The following SHANK2 variants were observed in gnomAD, a reference collection of about 807,000 sequenced individuals.
The protein encoded by SHANK2 is SH3 and multiple ankyrin repeat domains protein 2.
SHANK2 carries 43 observed loss-of-function variants against 133.7 expected under a neutral mutation model. The ratio of observed to expected loss-of-function variants is 0.32; its 90% CI spans 0.25 to 0.41. The LOEUF (loss-of-function observed/expected upper bound fraction) is 0.41. Among genes scored for constraint, SHANK2 ranks in the 10% least tolerant of loss-of-function variants. The pLI is 1.00. For synonymous variants in SHANK2, 1,017 were observed against 952.8 expected (o/e 1.07, Z -1.24); for missense variants, 1,994 against 2,235.8 (o/e 0.89, Z 2.18).
At chr11:71,218,869 G>A (rs868987894) in intron 2 of SHANK2, among the ~76,000 whole-genome samples, 6 of 152,336 alleles carry the variant, frequency 3.9e-5, no homozygotes, top group Middle Eastern at 3.4e-3. Context: ...CACTGCTGGA[G>A]ACTGTGCCTG....
At chr11:71,219,803 TAG>T (rs1292057538) in intron 2 of SHANK2, among the ~76,000 whole-genome samples, 3 of 151,842 alleles carry the variant, frequency 2.0e-5, no homozygotes, top group Non-Finnish European at 4.4e-5. Context: ...GAGGCTGAGG[TAG>T]GAGAATCACT....
chr11:71,242,828 G>A (rs1471721755), intron 1 of SHANK2, among the ~76,000 whole-genome samples: 12 of 152,214 alleles, frequency 7.9e-5, no homozygotes, highest in African/African-American at 2.4e-4. Context: ...CCTCATGCCC[G>A]GCTATAAAAC....
chr11:70,639,913 C>T (rs2134147769), intron 17 of SHANK2, among the ~76,000 whole-genome samples: 1 of 152,302 alleles, frequency 6.6e-6, no homozygotes, highest in Admixed American at 6.5e-5. Context: ...CCAGGGACGG[C>T]CCCAAGGAAG....
At chr11:70,918,627 T>A (rs1950303985) in intron 10 of SHANK2, among the ~76,000 whole-genome samples, 1 of 152,150 alleles carries the variant, frequency 6.6e-6, no homozygotes, top group South Asian at 2.1e-4. Context: ...GGCCTCAGCC[T>A]CCTGAGTAGC....
At chr11:70,687,215 C>A (rs1353172422) in intron 15 of SHANK2, among the ~76,000 whole-genome samples, 1 of 152,354 alleles carries the variant, frequency 6.6e-6, no homozygotes, top group Admixed American at 6.5e-5. Context: ...AACTAAGGCC[C>A]GTGCAGGAAG....
In SHANK2 at chr11:70,500,642, C is replaced by G; in HGVS notation, c.2288-52G>C. On this transcript the variant is annotated intron_variant, in intron 20 of 25. Transcript: ENST00000601538. This position sits in a 1 kb window ranked among gnomAD's most constrained non-coding sequence, Gnocchi z 4.5. ...GAGCCACCAGGATGCAGCGCCCGCCCGCAGCCTACACTCGGGCCTTGTCAG... is the reference window on the plus strand; with the variant it reads ...GAGCCACCAGGATGCAGCGCCCGCCGGCAGCCTACACTCGGGCCTTGTCAG... 1 of 1,580,904 alleles carries G rather than the reference C, an allele frequency of 6.3e-7. No homozygotes were observed. Among genetic ancestry groups the G allele is most frequent in the Non-Finnish European group, 8.6e-7 (1 of 1,163,958 alleles).
intron 2 of SHANK2, among the ~76,000 whole-genome samples, chr11:71,168,686 G>C (rs936723163): frequency 6.6e-6 from 1 of 152,276 alleles, no homozygotes; most frequent in African/African-American, 2.4e-5. Flanking sequence ...CCAGTCAGGC[G>C]TGGCGGCGCG....
chr11:70,848,303 G>T (rs1949027927), intron 11 of SHANK2, among the ~76,000 whole-genome samples: 1 of 152,156 alleles, frequency 6.6e-6, no homozygotes, highest in Non-Finnish European at 1.5e-5. Flanking sequence ...AAAAGAATCT[G>T]CCCGTGAGCC....
chr11:71,079,852 G>C (rs1231295280), intron 8 of SHANK2, among the ~76,000 whole-genome samples: 2 of 91,550 alleles, frequency 2.2e-5, no homozygotes, highest in Admixed American at 2.3e-4. Context: ...GAAGGAAGGG[G>C]AGGGGAAGGG....
intron 6 of SHANK2, among the ~76,000 whole-genome samples, chr11:71,108,949 C>G (rs1371297753): frequency 6.6e-6 from 1 of 152,168 alleles, no homozygotes; most frequent in Non-Finnish European, 1.5e-5. Flanking sequence ...CCCCCCCCAG[C>G]GTTCAGAGGT....
intron 17 of SHANK2, among the ~76,000 whole-genome samples, chr11:70,549,892 G>A (rs1171221300): frequency 3.9e-5 from 6 of 152,228 alleles, no homozygotes; most frequent in African/African-American, 9.6e-5. Context: ...GCGAAGCTCC[G>A]GTTCACTCGC....
chr11:70,776,406 G>T (rs530553764), intron 14 of SHANK2, among the ~76,000 whole-genome samples: 1 of 152,166 alleles, frequency 6.6e-6, no homozygotes, highest in Admixed American at 6.5e-5. Flanking sequence ...GTTGGCTGAA[G>T]GTAACTGATA....
rs184757114 is a variant in SHANK2 at position 71,193,960 on chromosome 11, G to A, written c.-13+30737C>T. ...AGACCCTCGCTCCAAATAAGGTCAC[G>A]TTCTGAGTACTTGGGGTTAGAGCTT... On this transcript the variant is annotated intron_variant, in intron 2 of 25. Transcript: ENST00000601538. Among the ~76,000 whole-genome samples the A allele has an allele frequency of 4.2e-4, 64 of 152,286 alleles. No individual in the cohort carries two copies. In the East Asian group the frequency reaches 8.7e-3, roughly 21 times the overall value.
intron 10 of SHANK2, among the ~76,000 whole-genome samples, chr11:70,950,273 T>C (rs1950813664): frequency 6.6e-6 from 1 of 151,028 alleles, no homozygotes; most frequent in Non-Finnish European, 1.5e-5. Flanking sequence ...GCCTCCCGGG[T>C]TCAAGTGATT....
chr11:70,939,003 G>A (rs142682378), intron 10 of SHANK2, among the ~76,000 whole-genome samples: 4 of 152,136 alleles, frequency 2.6e-5, no homozygotes, highest in South Asian at 2.1e-4. Context: ...ACACTAGGGC[G>A]CCGGAACTAT....
intron 8 of SHANK2, among the ~76,000 whole-genome samples, chr11:71,092,052 G>A (rs1951528143): frequency 6.6e-6 from 1 of 152,124 alleles, no homozygotes; most frequent in Admixed American, 6.5e-5. Flanking sequence ...AAACACCGGT[G>A]CTTTCTGGTA....
At chr11:71,180,950 C>T (rs1953542449) in intron 2 of SHANK2, among the ~76,000 whole-genome samples, 1 of 152,016 alleles carries the variant, frequency 6.6e-6, no homozygotes, top group Non-Finnish European at 1.5e-5. Flanking sequence ...CAACCTTCCA[C>T]TTCCATGTGG....
chr11:71,227,834 T>C (rs1954667338), intron 1 of SHANK2, among the ~76,000 whole-genome samples: 1 of 151,816 alleles, frequency 6.6e-6, no homozygotes, highest in African/African-American at 2.4e-5. Flanking sequence ...AAATTCTAAG[T>C]TCCTACCTCA....
chr11:70,510,739 T>G (rs2077830), intron 17 of SHANK2, among the ~76,000 whole-genome samples: 16,292 of 152,250 alleles, frequency 0.11, 1,226 homozygotes, highest in East Asian at 0.35. Flanking sequence ...CATAGCACAG[T>G]GAGTCCTAGG....
Sources: gnomAD v4.1 joint callset for allele counts (sites outside exome capture counted in the v4.1 genomes callset) on GRCh38, gnomAD v4.1.1 for gene constraint, Gnocchi (gnomAD v3.1) non-coding constraint, MANE v1.5 for transcripts, NCBI Gene and HGNC (gene_info 2026-07-23, HGNC 2026-07-21) for gene names.